COL13A1: variants seen among roughly 807,000 people sequenced by gnomAD.
The protein encoded by COL13A1 is collagen type XIII alpha 1 chain, also known as collagen alpha-1(XIII) chain.
A neutral mutation model predicts 130.9 loss-of-function variants in COL13A1; 89 were observed. The ratio of observed to expected loss-of-function variants is 0.68; its 90% confidence interval spans 0.57 to 0.81. The LOEUF is 0.81. Ranked by LOEUF, COL13A1 falls within the 30% of genes least tolerant of loss-of-function variation. The probability of loss-of-function intolerance (pLI) is 0.00; values close to 1 mark genes in which losing one functional copy is unlikely to be tolerated. For synonymous variants in COL13A1, 402 were observed against 341.6 expected (o/e 1.18, Z -1.95); for missense variants, 879 against 934.6 (o/e 0.94, Z 0.78).
At chr10:69,951,859 T>A (rs539926586) in intron 38 of COL13A1, among the ~76,000 whole-genome samples, 16 of 152,322 alleles carry the variant, frequency 1.1e-4, no homozygotes, top group African/African-American at 3.8e-4. Context: ...AAGCGTTAGA[T>A]AATCCCCCTT....
At chr10:69,940,914 TC>T in intron 34 of COL13A1, 73 bp from the exon 35 acceptor site, 1 of 1,602,484 alleles carries the variant, frequency 6.2e-7, no homozygotes, top group Non-Finnish European at 8.5e-7. Flanking sequence ...ACCTCTTCCC[TC>T]CCCATTGTTC....
chr10:69,926,259 G>T (rs576962515), intron 26 of COL13A1, among the ~76,000 whole-genome samples: 1 of 152,198 alleles, frequency 6.6e-6, no homozygotes, highest in South Asian at 2.1e-4. Flanking sequence ...TTCCTGGAAC[G>T]CATCTCCTTT....
At chr10:69,838,624 A>G (rs1233452158) in intron 2 of COL13A1, among the ~76,000 whole-genome samples, 3 of 152,112 alleles carry the variant, frequency 2.0e-5, no homozygotes. Context: ...AAACACCACT[A>G]CCTTGGGGAC....
At chr10:69,881,642 G>A (rs1165456479) in intron 7 of COL13A1, among the ~76,000 whole-genome samples, 2 of 152,218 alleles carry the variant, frequency 1.3e-5, no homozygotes, top group Non-Finnish European at 2.9e-5. Context: ...GGCTGGGTCG[G>A]AGGCAGAACT....
intron 7 of COL13A1, 129 bp from the exon 8 acceptor site, chr10:69,887,327 C>T (rs1022362454): frequency 1.1e-6 from 1 of 889,370 alleles, no homozygotes; most frequent in African/African-American, 1.7e-5. Context: ...CCACTAACCA[C>T]AGTGAGTGTC....
intron 17 of COL13A1, among the ~76,000 whole-genome samples, chr10:69,907,852 G>T (rs1298413081): frequency 6.6e-6 from 1 of 152,216 alleles, no homozygotes; most frequent in African/African-American, 2.4e-5. Flanking sequence ...TCCCGCGACA[G>T]CAACATTAAT....
At chr10:69,901,295 G>A (rs1032994040) in intron 14 of COL13A1, among the ~76,000 whole-genome samples, 1 of 152,192 alleles carries the variant, frequency 6.6e-6, no homozygotes, top group Non-Finnish European at 1.5e-5. Context: ...GGCAGGATAG[G>A]ACCCAGGCTC....
intron 21 of COL13A1, among the ~76,000 whole-genome samples, chr10:69,920,743 G>T (rs1273085641): frequency 6.6e-6 from 1 of 152,204 alleles, no homozygotes; most frequent in Non-Finnish European, 1.5e-5. Context: ...ATACATTTCT[G>T]CTGTCAAAGC....
At chr10:69,864,577 T>C (rs569637428) in intron 2 of COL13A1, among the ~76,000 whole-genome samples, 2 of 152,304 alleles carry the variant, frequency 1.3e-5, no homozygotes, top group African/African-American at 4.8e-5. Context: ...TTATTCATCT[T>C]TAGAGAGCCA....
intron 2 of COL13A1, among the ~76,000 whole-genome samples, chr10:69,853,266 A>AC (rs1408502840): frequency 2.1e-5 from 3 of 143,470 alleles, no homozygotes; most frequent in Admixed American, 6.9e-5. Flanking sequence ...TACTGCACCC[A>AC]CCCCCCGTCC....
intron 34 of COL13A1, among the ~76,000 whole-genome samples, chr10:69,938,096 T>G (rs1011073042): frequency 2.0e-5 from 3 of 152,224 alleles, no homozygotes; most frequent in Non-Finnish European, 4.4e-5. Context: ...CAGTCCATTT[T>G]CCCAGAGGGA....
intron 4 of COL13A1, 147 bp downstream of exon 4, chr10:69,872,357 G>GACTC: frequency 1.1e-6 from 1 of 898,376 alleles, no homozygotes; most frequent in Non-Finnish European, 1.7e-6. Flanking sequence ...ATAGCTTAGG[G>GACTC]TGAAGTCACC....
chr10:69,859,400 G>C (rs1429834474), intron 2 of COL13A1, among the ~76,000 whole-genome samples: 5 of 152,352 alleles, frequency 3.3e-5, no homozygotes, highest in Admixed American at 2.6e-4. Flanking sequence ...CCTCTGAGGG[G>C]TGGCATTCGA....
At chr10:69,928,857 C>A in intron 27 of COL13A1, 80 bp from the exon 28 acceptor site, 1 of 1,018,058 alleles carries the variant, frequency 9.8e-7, no homozygotes. Flanking sequence ...TACAAGCCAG[C>A]CTCCACATAT....
In COL13A1 at chr10:69,922,704, C is replaced by A; in HGVS notation, c.1144-4C>A. 6.2e-7 allele frequency: 1 copy of A among 1,602,566 alleles called. No individual in the cohort carries two copies. The highest frequency in any genetic ancestry group is 1.1e-5 in the South Asian group (1 of 88,110). ...GGGATGCTAACTCCACCTTCCACCC[C>A]CAGGGAGAGAAAGGCGATGCTGGCA... On this transcript the variant is annotated splice_polypyrimidine_tract_variant and splice_region_variant and intron_variant, in intron 22 of 40. Transcript: ENST00000645393.
At chr10:69,872,679 C>T (rs988905958) in intron 4 of COL13A1, among the ~76,000 whole-genome samples, 2 of 152,204 alleles carry the variant, frequency 1.3e-5, no homozygotes, top group Non-Finnish European at 2.9e-5. Flanking sequence ...GAGGCTGTGC[C>T]AAGTAACCAT....
chr10:69,888,829 C>T (rs535546809), intron 9 of COL13A1, among the ~76,000 whole-genome samples: 1 of 152,328 alleles, frequency 6.6e-6, no homozygotes, highest in Admixed American at 6.5e-5. Flanking sequence ...TCATTTCAAT[C>T]CTTTGGACTT....
intron 2 of COL13A1, among the ~76,000 whole-genome samples, chr10:69,856,968 A>G (rs993954981): frequency 6.6e-6 from 1 of 152,330 alleles, no homozygotes; most frequent in Middle Eastern, 3.4e-3. Flanking sequence ...CCTCGCCCAC[A>G]CAAGGGCTGA....
intron 2 of COL13A1, among the ~76,000 whole-genome samples, chr10:69,826,626 T>C (rs1847560546): frequency 6.6e-6 from 1 of 152,246 alleles, no homozygotes; most frequent in Admixed American, 6.5e-5. Context: ...AGGAGAGGCC[T>C]TGGAGGTTGT....
Sources: allele counts gnomAD v4.1 joint callset (sites outside exome capture counted in the v4.1 genomes callset), GRCh38; gene constraint gnomAD v4.1.1; transcripts MANE v1.5; gene names NCBI Gene and HGNC (gene_info 2026-07-23, HGNC 2026-07-21).